The following MEGF9 variants were observed in gnomAD, a reference collection of about 807,000 sequenced individuals.
MEGF9 encodes multiple epidermal growth factor-like domains protein 9.
Under a neutral mutation model 46.8 loss-of-function variants are expected in MEGF9, and 6 were observed. The observed-to-expected ratio is 0.13, with a 90% confidence interval of 0.07 to 0.25. The LOEUF is 0.25. MEGF9 is among the 10% of genes least tolerant of loss of function. The pLI, the probability that MEGF9 is intolerant of heterozygous loss-of-function variation, is 1.00. For synonymous variants in MEGF9, 302 were observed against 330.7 expected, an observed-to-expected ratio of 0.91 and a Z score of 0.94; for missense variants, 683 against 792.4, an observed-to-expected ratio of 0.86 and a Z score of 1.66.
chr9:120,712,194 G>A (rs1471273211), intron 1 of MEGF9, among the ~76,000 whole-genome samples: 5 of 152,180 alleles, frequency 3.3e-5, no homozygotes, highest in African/African-American at 9.7e-5. Flanking sequence ...GGAGGCAGAG[G>A]TTGCAGTGAG....
At chr9:120,699,552 T>C (rs549206360) in intron 1 of MEGF9, among the ~76,000 whole-genome samples, 54 of 151,710 alleles carry the variant, frequency 3.6e-4, no homozygotes, top group Middle Eastern at 3.4e-3. Context: ...ACTGCATGTC[T>C]ACAATTTTTT....
At chr9:120,656,267 G>T (rs2043676317) in intron 2 of MEGF9, among the ~76,000 whole-genome samples, 2 of 152,070 alleles carry the variant, frequency 1.3e-5, no homozygotes, top group Admixed American at 1.3e-4. Flanking sequence ...AAATGAGATG[G>T]CTGGGCACGG....
At chr9:120,657,425 T>A (rs949633580) in intron 2 of MEGF9, among the ~76,000 whole-genome samples, 2 of 152,252 alleles carry the variant, frequency 1.3e-5, no homozygotes, top group South Asian at 4.1e-4. Context: ...AGTATTACTG[T>A]TTTTTCCTCT....
At chr9:120,614,195 T>C (rs1234667164) in intron 3 of MEGF9, among the ~76,000 whole-genome samples, 1 of 152,096 alleles carries the variant, frequency 6.6e-6, no homozygotes, top group African/African-American at 2.4e-5. Flanking sequence ...GGCTAATTTT[T>C]GTATTTTAGT....
intron 2 of MEGF9, among the ~76,000 whole-genome samples, chr9:120,656,456 A>G (rs1452231303): frequency 6.7e-6 from 1 of 149,510 alleles, no homozygotes; most frequent in Non-Finnish European, 1.5e-5. Context: ...CTCAGGCAGG[A>G]GAATGGCGTG....
chr9:120,615,742 A>C (rs1177581091), intron 3 of MEGF9, among the ~76,000 whole-genome samples: 1 of 152,020 alleles, frequency 6.6e-6, no homozygotes, highest in Non-Finnish European at 1.5e-5. Context: ...AAAAAATACA[A>C]AAATTAGCTG....
intron 2 of MEGF9, among the ~76,000 whole-genome samples, chr9:120,635,977 T>TGGA (rs1309886250): frequency 3.3e-5 from 5 of 152,144 alleles, no homozygotes; most frequent in African/African-American, 1.2e-4. Context: ...ATCTGTCACC[T>TGGA]GTGCTGGAGT....
Position 120,714,406 on chromosome 9 carries a change from G to A in MEGF9, c.-48C>T. ...AGTCATCTTCTCCTCGTTGCAATCCGACCAAGGAAGCCTCCGCAACCGCCG... is the reference window on the plus strand; with the variant it reads ...AGTCATCTTCTCCTCGTTGCAATCCAACCAAGGAAGCCTCCGCAACCGCCG... On this transcript the variant is annotated 5_prime_UTR_variant, in exon 1 of 6. Coordinates refer to ENST00000373930, the MANE Select transcript of MEGF9 (RefSeq NM_001080497.3). 1.6e-6 allele frequency: 2 copies of A among 1,242,508 alleles called. No homozygotes were observed. The highest frequency in any genetic ancestry group is 1.6e-5 in the African/African-American group (1 of 63,408). The allele number at this position is 1,242,508 out of a possible 1,614,324, so 77.0% of individuals were successfully genotyped here. A position where few individuals can be genotyped will look rare whatever the true frequency, so the allele number is the denominator to read the frequency against.
chr9:120,706,758 C>A (rs956588427), intron 1 of MEGF9, among the ~76,000 whole-genome samples: 8 of 152,094 alleles, frequency 5.3e-5, no homozygotes, highest in African/African-American at 1.7e-4. Context: ...TCATTTGAGC[C>A]CAGGAGGTTG....
At chr9:120,691,956 C>A (rs1253187987) in intron 1 of MEGF9, among the ~76,000 whole-genome samples, 1 of 152,136 alleles carries the variant, frequency 6.6e-6, no homozygotes, top group Non-Finnish European at 1.5e-5. Context: ...ACTTCGAATA[C>A]TGAATTGTGG....
intron 1 of MEGF9, among the ~76,000 whole-genome samples, chr9:120,712,602 T>A (rs1410892145): frequency 1.3e-5 from 2 of 152,226 alleles, no homozygotes; most frequent in Non-Finnish European, 2.9e-5. Context: ...CCTACTTATG[T>A]CATTGCCAAG....
At chr9:120,712,818 C>T (rs1024832914) in intron 1 of MEGF9, among the ~76,000 whole-genome samples, 1 of 152,162 alleles carries the variant, frequency 6.6e-6, no homozygotes. Flanking sequence ...TTTGTCCAAA[C>T]GTTCTGACAA....
chr9:120,659,437 G>A lies in MEGF9; in HGVS notation c.740C>T (p.Thr247Ile), dbSNP rs1180554486. The change falls in exon 2 of 6, where the codon ACT becomes ATT. Residue 247 changes from threonine to isoleucine, a missense_variant. Thr to Ile is a moderately conservative substitution (Grantham distance 89). Coordinates refer to ENST00000373930, the MANE Select transcript of MEGF9 (RefSeq NM_001080497.3). ...TCKEGFYLNY[T>I]SGLCQPCDCS... is the part of the protein sequence containing the mutation. ...GTCACATGGCTGACAGAGCCCAGAA[G>A]TGTAATTTAGGTAAAAGCCCTCTTT... The A allele has an allele frequency of 1.2e-6, 2 of 1,613,858 alleles. No individual in the cohort carries two copies. Among genetic ancestry groups the A allele is most frequent in the East Asian group, 2.2e-5 (1 of 44,870 alleles).
At chr9:120,631,217 A>G (rs906082714) in intron 2 of MEGF9, among the ~76,000 whole-genome samples, 1 of 152,188 alleles carries the variant, frequency 6.6e-6, no homozygotes, top group Non-Finnish European at 1.5e-5. Context: ...TTTCCCCAGC[A>G]CCACTTATTG....
In MEGF9 at chr9:120,601,508, T is replaced by C. The variant is rs1454569996; in HGVS notation, c.*3682A>G. On this transcript the variant is annotated 3_prime_UTR_variant, in exon 6 of 6. Coordinates refer to ENST00000373930, the MANE Select transcript of MEGF9 (RefSeq NM_001080497.3). The stretch of plus-strand genomic sequence containing the variant: ...AATAAACTAGTAGGTCAGTGAGTAT[T>C]GCTTTAATGGTCAATTTACCTGGGA... 1 of 152,188 alleles carries C rather than the reference T, an allele frequency of 6.6e-6. No individual in the cohort carries two copies. Among genetic ancestry groups the C allele is most frequent in the Non-Finnish European group, 1.5e-5 (1 of 68,038 alleles). The allele number at this position is 152,188 out of a possible 1,614,324, so 9.4% of individuals were successfully genotyped here. A position where few individuals can be genotyped will look rare whatever the true frequency, so the allele number is the denominator to read the frequency against.
At chr9:120,675,533 C>T (rs2043768779) in intron 1 of MEGF9, among the ~76,000 whole-genome samples, 1 of 152,034 alleles carries the variant, frequency 6.6e-6, no homozygotes, top group African/African-American at 2.4e-5. Flanking sequence ...GTCAAGGTTG[C>T]AGTGAGTTGT....
intron 1 of MEGF9, among the ~76,000 whole-genome samples, chr9:120,693,892 G>A (rs759922218): frequency 4.3e-4 from 65 of 151,286 alleles, no homozygotes; most frequent in Non-Finnish European, 8.3e-4. Context: ...CTTCTCCTCT[G>A]GAAACCAATC....
chr9:120,711,673 T>A (rs2043953541), intron 1 of MEGF9, among the ~76,000 whole-genome samples: 1 of 152,190 alleles, frequency 6.6e-6, no homozygotes, highest in Admixed American at 6.5e-5. Context: ...TTACACAGAT[T>A]TATTTATCAG....
At chr9:120,638,825 T>A (rs2043590057) in intron 2 of MEGF9, among the ~76,000 whole-genome samples, 1 of 152,168 alleles carries the variant, frequency 6.6e-6, no homozygotes, top group Non-Finnish European at 1.5e-5. Context: ...GTATTTTTTG[T>A]TTGTTTTTAG....
Sources: gnomAD v4.1 joint callset for allele counts (sites outside exome capture counted in the v4.1 genomes callset) on GRCh38, gnomAD v4.1.1 for gene constraint, MANE v1.5 for transcripts, NCBI Gene and HGNC (gene_info 2026-07-23, HGNC 2026-07-21) for gene names.